The following GRIA3 variants were observed in gnomAD, a reference collection of about 807,000 sequenced individuals.
GRIA3 encodes glutamate ionotropic receptor AMPA type subunit 3, also known as glutamate receptor 3.
In GRIA3, 3 loss-of-function variants were observed where a neutral mutation model predicts 63.0. That is an observed-to-expected ratio of 0.05 (90% CI 0.02 to 0.12). The LOEUF (loss-of-function observed/expected upper bound fraction) is 0.12, where lower values mean the gene tolerates loss of function less well. Among genes scored for constraint, GRIA3 ranks in the 10% least tolerant of loss-of-function variants. The pLI, the probability that GRIA3 is intolerant of heterozygous loss-of-function variation, is 1.00. For synonymous variants in GRIA3, 274 were observed against 257.9 expected (o/e 1.06, Z -0.60); for missense variants, 347 against 700.9 (o/e 0.50, Z 5.70).
chrX:123,321,543 C>T (rs1031244870), intron 3 of GRIA3, among the ~76,000 whole-genome samples: 2 of 112,030 alleles, frequency 1.8e-5, no homozygotes, highest in African/African-American at 6.5e-5. Flanking sequence ...ATGTCAATAT[C>T]CTACTTATTG....
At position 123,244,004 on chromosome X, in the gene GRIA3, G is replaced by T. The variant is rs915458339; in HGVS notation, c.269-9299G>T. 1.6e-4 allele frequency among the ~76,000 whole-genome samples: 18 copies of T among 112,663 alleles called. No homozygotes were observed. The Admixed American group carries it at 1.7e-3, about 11-fold the overall frequency. On this transcript the variant is annotated intron_variant, in intron 2 of 15. Coordinates refer to ENST00000620443, the MANE Select transcript of GRIA3 (RefSeq NM_007325.5). ...GCAAAATGAATTTTCCAAAATACATGTGTTCATATATTAATGCCTGCATTT... is the reference window on the plus strand; with the variant it reads ...GCAAAATGAATTTTCCAAAATACATTTGTTCATATATTAATGCCTGCATTT...
At chrX:123,407,004 T>C (rs1405506153) in intron 10 of GRIA3, among the ~76,000 whole-genome samples, 1 of 112,088 alleles carries the variant, frequency 8.9e-6, no homozygotes, top group Non-Finnish European at 1.9e-5. Flanking sequence ...ACCTGATACA[T>C]AGTAAATGCT....
intron 3 of GRIA3, among the ~76,000 whole-genome samples, chrX:123,287,794 T>C (rs1448689252): frequency 8.9e-6 from 1 of 112,023 alleles, no homozygotes; most frequent in Admixed American, 9.5e-5. Context: ...AAACATTCCA[T>C]GCTCATGGAT....
chrX:123,417,879 T>C lies in GRIA3; in HGVS notation c.1877+101T>C, dbSNP rs758554641. ...CCATCTCAACTCCAGATTTTTTTCA[T>C]TTAACATTCCATCAAATGACAGATT... On this transcript the variant is annotated intron_variant, in intron 11 of 15. Coordinates refer to ENST00000620443, the MANE Select transcript of GRIA3 (RefSeq NM_007325.5). The C allele has an allele frequency of 2.1e-5, 16 of 748,124 alleles. No homozygotes were observed. The African/African-American group carries it at 2.7e-4, about 12-fold the overall frequency. 61.7% of individuals were successfully genotyped at this position (748,124 alleles called of 1,213,427 possible). A position where few individuals can be genotyped will look rare whatever the true frequency, so the allele number is the denominator to read the frequency against.
At chrX:123,354,518 C>A (rs866098220) in intron 4 of GRIA3, among the ~76,000 whole-genome samples, 44 of 106,789 alleles carry the variant, frequency 4.1e-4, no homozygotes, top group Non-Finnish European at 6.2e-4. Flanking sequence ...ATAAAAACAA[C>A]AAAAAAAAAA....
chrX:123,474,619 G>A (rs1214973891), intron 13 of GRIA3, among the ~76,000 whole-genome samples: 1 of 111,017 alleles, frequency 9.0e-6, no homozygotes, highest in Admixed American at 9.6e-5. Context: ...GGAGGCGGAG[G>A]TTGCAGTGAG....
At chrX:123,440,219 C>T (rs916191075) in intron 12 of GRIA3, among the ~76,000 whole-genome samples, 2 of 112,311 alleles carry the variant, frequency 1.8e-5, no homozygotes, top group Admixed American at 1.9e-4. Context: ...AAGTTGATTC[C>T]ATGCCTTTGC....
chrX:123,379,620 GTTT>G (rs369507360), intron 5 of GRIA3, among the ~76,000 whole-genome samples: 235 of 67,975 alleles, frequency 3.5e-3, no homozygotes, highest in African/African-American at 0.012. Flanking sequence ...CTAGCAACTT[GTTT>G]TTTTTTTTTT....
chrX:123,186,512 C>A (rs1231274150), intron 2 of GRIA3, among the ~76,000 whole-genome samples: 1 of 111,570 alleles, frequency 9.0e-6, no homozygotes, highest in Non-Finnish European at 1.9e-5. Context: ...ATTCTGCAAA[C>A]AAGTGACCTT....
rs754985839 is a variant in GRIA3 at position 123,387,776 on chromosome X, T to C, written c.751-7192T>C. ...TTGAACCATTCTTGCATCCCTGGGA[T>C]AAATCCCACTTGATCATGGTGTATC... On this transcript the variant is annotated intron_variant, in intron 5 of 15. Coordinates refer to ENST00000620443, the MANE Select transcript of GRIA3 (RefSeq NM_007325.5). Among the ~76,000 whole-genome samples the C allele has an allele frequency of 2.7e-5, 3 of 112,788 alleles. No individual in the cohort carries two copies. In the Admixed American group the frequency reaches 2.8e-4, roughly 11 times the overall value.
chrX:123,392,917 T>C (rs140657021), intron 5 of GRIA3, among the ~76,000 whole-genome samples: 1 of 111,808 alleles, frequency 8.9e-6, no homozygotes, highest in Non-Finnish European at 1.9e-5. Context: ...TGGGTAACAG[T>C]TAGGCTTAAA....
At chrX:123,326,578 A>G (rs535128195) in intron 4 of GRIA3, among the ~76,000 whole-genome samples, 1 of 111,765 alleles carries the variant, frequency 8.9e-6, no homozygotes, top group South Asian at 3.8e-4. Flanking sequence ...CAGACAAGGG[A>G]CTAAGCAGTG....
rs754243474 is a variant in GRIA3, at chrX:123,372,775, G to C, written c.750+17812G>C. Among the ~76,000 whole-genome samples, 508 of 111,325 alleles carry C rather than the reference G, an allele frequency of 4.6e-3. 3 individuals carry two copies. The highest frequency in any genetic ancestry group is 9.3e-3 in the Middle Eastern group (2 of 214). On this transcript the variant is annotated intron_variant, in intron 5 of 15. Transcript: ENST00000620443. ...ATCAGTTCTAAAGTTTTTTGATGAA[G>C]TCATTAGATTTTTCCAAATATAAGA...
At position 123,368,491 on chromosome X, in the gene GRIA3, T is replaced by C. The variant is rs539787761; in HGVS notation, c.750+13528T>C. 4.8e-4 allele frequency among the ~76,000 whole-genome samples: 53 copies of C among 111,319 alleles called. No homozygotes were observed. In the South Asian group the frequency reaches 0.02, roughly 42 times the overall value. On this transcript the variant is annotated intron_variant, in intron 5 of 15. Transcript: ENST00000620443. The stretch of plus-strand genomic sequence containing the variant: ...ACAGAAGTTTTAGGAAACCAGGGAC[T>C]CTAAATTCTCCGACATGGTGAACTG...
chrX:123,322,118 T>C (rs1490480356), intron 3 of GRIA3, among the ~76,000 whole-genome samples: 2 of 111,647 alleles, frequency 1.8e-5, no homozygotes, highest in Non-Finnish European at 3.8e-5. Flanking sequence ...CACTACCCTT[T>C]GCCAAGATTA....
chrX:123,456,669 G>A (rs936727656), intron 12 of GRIA3, among the ~76,000 whole-genome samples: 3 of 111,266 alleles, frequency 2.7e-5, no homozygotes, highest in Non-Finnish European at 5.7e-5. Flanking sequence ...AAGAGGCAAA[G>A]AAGAAAGGAG....
intron 3 of GRIA3, among the ~76,000 whole-genome samples, chrX:123,265,914 C>G (rs1242777248): frequency 9.0e-6 from 1 of 111,287 alleles, no homozygotes; most frequent in African/African-American, 3.3e-5. Flanking sequence ...ATCTTAAAAC[C>G]CTTCCTGGTA....
At chrX:123,237,497 G>T (rs1476757347) in intron 2 of GRIA3, among the ~76,000 whole-genome samples, 1 of 111,963 alleles carries the variant, frequency 8.9e-6, no homozygotes, top group African/African-American at 3.3e-5. Context: ...TCACTCACAT[G>T]TCCTTGGCCA....
chrX:123,428,176 T>C, intron 12 of GRIA3, 37 bp downstream of exon 12: 1 of 918,803 alleles, frequency 1.1e-6, no homozygotes, highest in Non-Finnish European at 1.6e-6. Context: ...TGCTGATATT[T>C]ATTTTATCAT....
Sources: allele counts gnomAD v4.1 joint callset (sites outside exome capture counted in the v4.1 genomes callset), GRCh38; gene constraint gnomAD v4.1.1; transcripts MANE v1.5; gene names NCBI Gene and HGNC (gene_info 2026-07-23, HGNC 2026-07-21).